FAM120B: variants seen among roughly 807,000 people sequenced by gnomAD.
FAM120B encodes the protein constitutive coactivator of peroxisome proliferator-activated receptor gamma.
Under a neutral mutation model 96.3 loss-of-function variants are expected in FAM120B, and 83 were observed. The ratio of observed to expected loss-of-function variants is 0.86; its 90% CI spans 0.72 to 1.03. The LOEUF is 1.03. FAM120B is among the 50% of genes least tolerant of loss of function. The pLI is 0.00. For missense variants in FAM120B, 1,027 were observed against 1,121.2 expected, an observed-to-expected ratio of 0.92 and a Z score of 1.20; for synonymous variants, 407 against 402.7, an observed-to-expected ratio of 1.01 and a Z score of -0.13.
Position 170,404,845 on chromosome 6 carries a change from C to T in FAM120B, c.*94C>T, listed in dbSNP as rs1778749402. On this transcript the variant is annotated 3_prime_UTR_variant, in exon 11 of 11. Coordinates refer to ENST00000476287, the MANE Select transcript of FAM120B (RefSeq NM_032448.3). ...CTCTGCTGTTGCAGCTGCAAGGAGA[C>T]CATGCCTGTGGGAGCCAGGCCTCGC... is the stretch of plus-strand genomic sequence containing the variant. 1.4e-5 allele frequency: 7 copies of T among 497,650 alleles called. No individual in the cohort carries two copies. In the South Asian group the frequency reaches 2.1e-4, roughly 15 times the overall value. 30.8% of individuals were successfully genotyped at this position (497,650 alleles called of 1,614,324 possible). A position where few individuals can be genotyped will look rare whatever the true frequency, so the allele number is the denominator to read the frequency against.
At chr6:170,344,797 A>T (rs149732112) in intron 4 of FAM120B, among the ~76,000 whole-genome samples, 2 of 152,162 alleles carry the variant, frequency 1.3e-5, no homozygotes, top group Non-Finnish European at 1.5e-5. Flanking sequence ...CCTGCATAGC[A>T]GACTTGATGC....
At chr6:170,334,384 A>C (rs1189440051) in intron 4 of FAM120B, among the ~76,000 whole-genome samples, 1 of 152,254 alleles carries the variant, frequency 6.6e-6, no homozygotes, top group African/African-American at 2.4e-5. Flanking sequence ...AGGACCATGT[A>C]TTTGATTCAA....
chr6:170,291,781 A>G (rs1884189), upstream of FAM120B, among the ~76,000 whole-genome samples: 147,659 of 152,214 alleles, frequency 0.97, 71,625 homozygotes, highest in South Asian at 0.98. Context: ...CACTGGGAGT[A>G]GGGGCCCGGG....
At chr6:170,310,738 C>T (rs1258522194) in intron 1 of FAM120B, among the ~76,000 whole-genome samples, 1 of 152,186 alleles carries the variant, frequency 6.6e-6, no homozygotes, top group Non-Finnish European at 1.5e-5. Context: ...GAGTAGACTG[C>T]ACACACTTAG....
chr6:170,387,178 G>A (rs1221390818), intron 6 of FAM120B, among the ~76,000 whole-genome samples: 2 of 152,134 alleles, frequency 1.3e-5, no homozygotes. Context: ...GTGTCGCACA[G>A]CACTATTTTA....
rs1465755747 is a variant in FAM120B, at chr6:170,363,109, C to T, written c.2283+4791C>T. 1.3e-5 allele frequency among the ~76,000 whole-genome samples: 2 copies of T among 152,170 alleles called. No homozygotes were observed. Among genetic ancestry groups the T allele is most frequent in the East Asian group, 1.9e-4 (1 of 5,192 alleles). ...GGCTCTGAAAGCCACAAAACCATCA[C>T]CCCTCCTCCTGCTGGCTTTGTCTCC... On this transcript the variant is annotated intron_variant, in intron 6 of 10. Coordinates refer to ENST00000476287, the MANE Select transcript of FAM120B (RefSeq NM_032448.3). The surrounding 1 kb of genome is among the most constrained non-coding windows in gnomAD (Gnocchi z 4.5).
chr6:170,348,961 G>A (rs552242786), intron 5 of FAM120B, among the ~76,000 whole-genome samples: 10 of 152,134 alleles, frequency 6.6e-5, no homozygotes, highest in Non-Finnish European at 1.2e-4. Flanking sequence ...AGGCTCACTC[G>A]ACAAGGTGGA....
chr6:170,358,135 C>T (rs1324592157), intron 5 of FAM120B, 91 bp from the exon 6 acceptor site: 1 of 1,135,374 alleles, frequency 8.8e-7, no homozygotes, highest in Non-Finnish European at 1.3e-6. Context: ...TGCGCCTATA[C>T]ACACACTCAT....
intron 4 of FAM120B, among the ~76,000 whole-genome samples, chr6:170,340,884 AG>A (rs1404736459): frequency 1.3e-5 from 2 of 152,212 alleles, no homozygotes; most frequent in African/African-American, 4.8e-5. Context: ...GGCACTGACC[AG>A]ATGCCAGCCA....
At chr6:170,310,331 A>G (rs1052798555) in intron 1 of FAM120B, among the ~76,000 whole-genome samples, 10 of 152,196 alleles carry the variant, frequency 6.6e-5, no homozygotes, top group African/African-American at 2.4e-4. Flanking sequence ...CTCAGAGCCC[A>G]CCGATAGGCT....
chr6:170,303,172 C>T (rs1425587499), upstream of FAM120B, among the ~76,000 whole-genome samples: 1 of 152,296 alleles, frequency 6.6e-6, no homozygotes, highest in African/African-American at 2.4e-5. Context: ...CTCCCACTCC[C>T]AATTCCTTCT....
intron 6 of FAM120B, among the ~76,000 whole-genome samples, chr6:170,375,349 G>A (rs1454363565): frequency 6.6e-6 from 1 of 152,216 alleles, no homozygotes; most frequent in African/African-American, 2.4e-5. Context: ...GCAAAACACA[G>A]TTCTCAGGTT....
At chr6:170,381,825 C>A (rs1312734587) in intron 6 of FAM120B, among the ~76,000 whole-genome samples, 1 of 151,220 alleles carries the variant, frequency 6.6e-6, no homozygotes, top group Non-Finnish European at 1.5e-5. Context: ...AAAAAACTTT[C>A]AGAAAAATGA....
chr6:170,351,131 A>G (rs975546560), intron 5 of FAM120B, among the ~76,000 whole-genome samples: 5 of 152,208 alleles, frequency 3.3e-5, no homozygotes, highest in Non-Finnish European at 7.4e-5. Flanking sequence ...AGCATAAGAA[A>G]TTCACAGAAC....
At position 170,363,248 on chromosome 6, in the gene FAM120B, AATC is replaced by A. The variant is rs1390277791; in HGVS notation, c.2283+4933_2283+4935del. Among the ~76,000 whole-genome samples, 4 of 152,344 alleles carry A rather than the reference AATC, an allele frequency of 2.6e-5. No individual in the cohort carries two copies. The highest frequency in any genetic ancestry group is 7.2e-5 in the African/African-American group (3 of 41,570). On this transcript the variant is annotated intron_variant, in intron 6 of 10. Transcript: ENST00000476287. The surrounding 1 kb of genome is among the most constrained non-coding windows in gnomAD (Gnocchi z 4.5). ...CCACTTTTTCTAGTGCCTCATAGCT[AATC>A]ATTGGGAAGTTCTTGGTCATTTTTT... is the stretch of plus-strand genomic sequence containing the variant.
At chr6:170,333,559 C>T (rs1165026865) in intron 4 of FAM120B, among the ~76,000 whole-genome samples, 2 of 151,074 alleles carry the variant, frequency 1.3e-5, no homozygotes, top group Non-Finnish European at 2.9e-5. Context: ...ACTCTGTCGC[C>T]CAGGCTGGAA....
intron 1 of FAM120B, among the ~76,000 whole-genome samples, chr6:170,312,034 C>G (rs9295394): frequency 1.3e-5 from 2 of 152,150 alleles, no homozygotes; most frequent in Non-Finnish European, 2.9e-5. Context: ...AAAGAACTTA[C>G]GTCCACGTTG....
At chr6:170,357,935 CAT>C (rs1021685022) in intron 5 of FAM120B, among the ~76,000 whole-genome samples, 4 of 152,200 alleles carry the variant, frequency 2.6e-5, no homozygotes, top group Admixed American at 1.3e-4. Flanking sequence ...TCTGATGCAC[CAT>C]GTGTGTGCCT....
intron 4 of FAM120B, among the ~76,000 whole-genome samples, chr6:170,343,162 C>A (rs558705398): frequency 6.6e-6 from 1 of 152,198 alleles, no homozygotes; most frequent in Non-Finnish European, 1.5e-5. Context: ...TCCACACCCT[C>A]CCCTGGATAA....
Sources: gnomAD v4.1 joint callset for allele counts (sites outside exome capture counted in the v4.1 genomes callset) on GRCh38, gnomAD v4.1.1 for gene constraint, Gnocchi (gnomAD v3.1) non-coding constraint, MANE v1.5 for transcripts, NCBI Gene and HGNC (gene_info 2026-07-23, HGNC 2026-07-21) for gene names.